Variants in SUCLG2 observed in about 807,000 individuals in gnomAD.
The protein encoded by SUCLG2 is succinate--CoA ligase [GDP-forming] subunit beta, mitochondrial.
A neutral mutation model predicts 47.9 loss-of-function variants in SUCLG2; 42 were observed. The ratio of observed to expected loss-of-function variants is 0.88; its 90% confidence interval spans 0.69 to 1.14. The LOEUF is 1.14. Among genes scored for constraint, SUCLG2 ranks in the 50% most tolerant of loss-of-function variants. The pLI is 0.00. For missense variants in SUCLG2, 571 were observed against 525.9 expected, an observed-to-expected ratio of 1.09 and a Z score of -0.84; for synonymous variants, 195 against 197.3, an observed-to-expected ratio of 0.99 and a Z score of 0.10.
At chr3:67,653,230 A>C (rs1460431642) in intron 1 of SUCLG2, among the ~76,000 whole-genome samples, 1 of 152,158 alleles carries the variant, frequency 6.6e-6, no homozygotes, top group East Asian at 1.9e-4. Flanking sequence ...TGTTTTTTCT[A>C]ACACTTAAAT....
chr3:67,577,082 C>A (rs142861113), intron 2 of SUCLG2, among the ~76,000 whole-genome samples: 10,276 of 152,202 alleles, frequency 0.068, 451 homozygotes, highest in Middle Eastern at 0.12. Context: ...CACCTGTAAT[C>A]CCAGCATTTT....
intron 9 of SUCLG2, among the ~76,000 whole-genome samples, chr3:67,488,785 A>AT (rs1289574898): frequency 6.6e-6 from 1 of 152,008 alleles, no homozygotes; most frequent in Non-Finnish European, 1.5e-5. Flanking sequence ...ATAATTATAT[A>AT]TTTTTCCAAA....
At chr3:67,393,084 C>T (rs536167714) in intron 10 of SUCLG2, among the ~76,000 whole-genome samples, 127 of 152,304 alleles carry the variant, frequency 8.3e-4, no homozygotes, top group African/African-American at 2.6e-3. Context: ...CAGCTCCCAG[C>T]GTGAGCGACG....
intron 9 of SUCLG2, among the ~76,000 whole-genome samples, chr3:67,421,994 A>C (rs1163669165): frequency 2.0e-5 from 3 of 152,224 alleles, no homozygotes; most frequent in Non-Finnish European, 4.4e-5. Context: ...TCATCAGTCC[A>C]CATGTATATA....
intron 2 of SUCLG2, among the ~76,000 whole-genome samples, chr3:67,530,762 A>G: frequency 6.6e-6 from 1 of 152,238 alleles, no homozygotes; most frequent in East Asian, 1.9e-4. Context: ...CCCTCTGGCA[A>G]TAATTTCTGC....
chr3:67,560,456 G>A (rs1707279404), intron 2 of SUCLG2, among the ~76,000 whole-genome samples: 1 of 152,174 alleles, frequency 6.6e-6, no homozygotes, highest in Non-Finnish European at 1.5e-5. Flanking sequence ...TAAAGAACGT[G>A]AGATCTGGGT....
chr3:67,566,085 AG>A (rs2107226294), intron 2 of SUCLG2, among the ~76,000 whole-genome samples: 1 of 152,334 alleles, frequency 6.6e-6, no homozygotes, highest in South Asian at 2.1e-4. Flanking sequence ...TGTCCACTTA[AG>A]ACAAGATTTT....
rs535397192 is a variant in SUCLG2 at position 67,529,830 on chromosome 3, G to A, written c.227-644C>T. On this transcript the variant is annotated intron_variant, in intron 2 of 10. Transcript: ENST00000307227. Reference sequence around the variant, plus strand: ...ATCTTTGTTTCTCATCACACTCCACGAATGAAAGAACTCTCTAATCTTGAC... The same window carrying A: ...ATCTTTGTTTCTCATCACACTCCACAAATGAAAGAACTCTCTAATCTTGAC... 1.3e-4 allele frequency among the ~76,000 whole-genome samples: 20 copies of A among 152,292 alleles called. 1 individual carries two copies. In the South Asian group the frequency reaches 1.5e-3, roughly 11 times the overall value.
intron 6 of SUCLG2, among the ~76,000 whole-genome samples, chr3:67,510,652 T>C (rs1257821557): frequency 6.6e-6 from 1 of 152,226 alleles, no homozygotes; most frequent in African/African-American, 2.4e-5. Context: ...AGATCAATCA[T>C]ATCTTTTTAA....
intron 9 of SUCLG2, among the ~76,000 whole-genome samples, chr3:67,476,520 T>A (rs1704762933): frequency 1.3e-5 from 2 of 152,160 alleles, no homozygotes; most frequent in African/African-American, 4.8e-5. Context: ...AGCTGTATAA[T>A]TATTTCATTA....
chr3:67,555,309 G>A (rs1707129124), intron 2 of SUCLG2, among the ~76,000 whole-genome samples: 1 of 152,104 alleles, frequency 6.6e-6, no homozygotes, highest in African/African-American at 2.4e-5. Context: ...GTATGTAAAT[G>A]TACATAGGGA....
intron 10 of SUCLG2, among the ~76,000 whole-genome samples, chr3:67,363,197 T>G (rs1445178201): frequency 6.6e-6 from 1 of 152,212 alleles, no homozygotes; most frequent in Non-Finnish European, 1.5e-5. Context: ...TTGGTATAAA[T>G]CTTTGGATAG....
At chr3:67,520,707 G>A in intron 4 of SUCLG2, 73 bp from the exon 5 acceptor site, 2 of 1,509,588 alleles carry the variant, frequency 1.3e-6, no homozygotes, top group Non-Finnish European at 1.8e-6. Flanking sequence ...ATACAAACTT[G>A]CTACACGAAT....
At chr3:67,424,978 C>T (rs1339584155) in intron 9 of SUCLG2, among the ~76,000 whole-genome samples, 2 of 152,158 alleles carry the variant, frequency 1.3e-5, no homozygotes, top group African/African-American at 4.8e-5. Flanking sequence ...CTTCTGCTAT[C>T]AAGGCTGCTC....
chr3:67,378,870 A>C (rs1702091272), intron 10 of SUCLG2, among the ~76,000 whole-genome samples: 1 of 152,232 alleles, frequency 6.6e-6, no homozygotes, highest in Non-Finnish European at 1.5e-5. Flanking sequence ...TCATGGAGTA[A>C]TGACAGAGTG....
intron 2 of SUCLG2, among the ~76,000 whole-genome samples, chr3:67,537,397 A>G (rs1273338527): frequency 2.6e-5 from 4 of 152,094 alleles, no homozygotes; most frequent in Non-Finnish European, 1.5e-5. Context: ...AAGGACATGA[A>G]CTCATCCTTT....
chr3:67,486,863 T>C (rs1466365378), intron 9 of SUCLG2, among the ~76,000 whole-genome samples: 1 of 152,216 alleles, frequency 6.6e-6, no homozygotes, highest in Non-Finnish European at 1.5e-5. Context: ...TTTGGGAACA[T>C]GTGCATTGGG....
At chr3:67,361,164 C>T (rs1048185771) in intron 10 of SUCLG2, among the ~76,000 whole-genome samples, 2 of 144,882 alleles carry the variant, frequency 1.4e-5, no homozygotes, top group Non-Finnish European at 3.0e-5. Flanking sequence ...TTCTGAGATG[C>T]CGGAAAAAAA....
Position 67,654,612 on chromosome 3 carries a change from C to A in SUCLG2, c.-26G>T, listed in dbSNP as rs1701354843. 3 of 1,260,660 alleles carry A rather than the reference C, an allele frequency of 2.4e-6. No individual in the cohort carries two copies. The highest frequency in any genetic ancestry group is 1.0e-6 in the Non-Finnish European group (1 of 1,001,208). 78.1% of individuals were successfully genotyped at this position (1,260,660 alleles called of 1,614,324 possible). On this transcript the variant is annotated 5_prime_UTR_variant, in exon 1 of 11. Coordinates refer to ENST00000307227, the MANE Select transcript of SUCLG2 (RefSeq NM_003848.4). ...CTTAAACAGGAAACTCGGCACGGGG[C>A]AGTAGGGCGGGCGCGGGCAGGGGAA... is the stretch of plus-strand genomic sequence containing the variant.
Sources: gnomAD v4.1 joint callset for allele counts (sites outside exome capture counted in the v4.1 genomes callset) on GRCh38, gnomAD v4.1.1 for gene constraint, MANE v1.5 for transcripts, NCBI Gene and HGNC (gene_info 2026-07-23, HGNC 2026-07-21) for gene names.